Variants in SPIDR observed in about 807,000 individuals in gnomAD.
The protein encoded by SPIDR is DNA repair-scaffolding protein.
In SPIDR, 93 loss-of-function variants were observed where a neutral mutation model predicts 104.6. That is an observed-to-expected ratio of 0.89 (90% CI 0.75 to 1.06). SPIDR has a LOEUF of 1.06. SPIDR is among the 50% of genes least tolerant of loss of function. The pLI is 0.00. For missense variants in SPIDR, 1,154 were observed against 1,111.2 expected (o/e 1.04, Z -0.55); for synonymous variants, 431 against 416.9 (o/e 1.03, Z -0.41).
At chr8:47,579,878 G>T (rs965825112) in intron 8 of SPIDR, among the ~76,000 whole-genome samples, 3 of 152,184 alleles carry the variant, frequency 2.0e-5, no homozygotes, top group Non-Finnish European at 2.9e-5. Context: ...TATCCAAGTA[G>T]GGAGTCCTGT....
At chr8:47,381,761 A>T (rs1341330567) in intron 5 of SPIDR, among the ~76,000 whole-genome samples, 1 of 152,254 alleles carries the variant, frequency 6.6e-6, no homozygotes, top group Admixed American at 6.5e-5. Context: ...CACCAGGCGC[A>T]CAAGGTGTCC....
chr8:47,287,616 A>G (rs375608247), intron 3 of SPIDR, among the ~76,000 whole-genome samples: 45 of 152,292 alleles, frequency 3.0e-4, no homozygotes, highest in African/African-American at 1.1e-3. Flanking sequence ...AGAATTTAGC[A>G]ATATCTTCCC....
At chr8:47,473,379 CT>C (rs1422191772) in intron 8 of SPIDR, among the ~76,000 whole-genome samples, 1 of 152,132 alleles carries the variant, frequency 6.6e-6, no homozygotes, top group Non-Finnish European at 1.5e-5. Context: ...TGGCCTTTGA[CT>C]TGGCTTGTTC....
At chr8:47,727,887 G>A (rs1352707676) in intron 17 of SPIDR, among the ~76,000 whole-genome samples, 2 of 152,130 alleles carry the variant, frequency 1.3e-5, no homozygotes, top group African/African-American at 4.8e-5. Context: ...GGGAGGCCAA[G>A]GCAGGCGGAT....
At chr8:47,373,874 A>G (rs2058345916) in intron 5 of SPIDR, among the ~76,000 whole-genome samples, 1 of 152,250 alleles carries the variant, frequency 6.6e-6, no homozygotes, top group African/African-American at 2.4e-5. Context: ...CAGGCCTAGG[A>G]GAAATAAGTT....
chr8:47,282,139 G>A (rs1010632827), intron 2 of SPIDR, among the ~76,000 whole-genome samples: 94 of 152,350 alleles, frequency 6.2e-4, no homozygotes, highest in Middle Eastern at 3.4e-3. Flanking sequence ...GCTGTAAAGA[G>A]ATGTGCTGTC....
rs1456885273 is a variant in SPIDR, at chr8:47,284,024, A to G, written c.190-4A>G. The G allele has an allele frequency of 3.1e-6, 5 of 1,603,656 alleles. No individual in the cohort carries two copies. The highest frequency in any genetic ancestry group is 2.7e-5 in the African/African-American group (2 of 74,584). On this transcript the variant is annotated splice_region_variant and splice_polypyrimidine_tract_variant and intron_variant, in intron 2 of 19. Transcript: ENST00000297423. Reference sequence around the variant, plus strand: ...AAATTCCATGATTATTATTTTGCCTACAGTCATTAACAGCTGAAGAGAAGA... The same window carrying G: ...AAATTCCATGATTATTATTTTGCCTGCAGTCATTAACAGCTGAAGAGAAGA...
chr8:47,343,868 C>CG (rs1389624464), intron 5 of SPIDR, among the ~76,000 whole-genome samples: 6 of 151,734 alleles, frequency 4.0e-5, no homozygotes, highest in African/African-American at 9.7e-5. Context: ...AATTGTCCTT[C>CG]GGGGGGGAAA....
intron 11 of SPIDR, among the ~76,000 whole-genome samples, chr8:47,695,691 T>G (rs555252298): frequency 6.6e-6 from 1 of 152,356 alleles, no homozygotes; most frequent in East Asian, 1.9e-4. Flanking sequence ...CATGTTTACT[T>G]TCTTCCAGTG....
At chr8:47,632,658 A>G (rs1467889120) in intron 10 of SPIDR, among the ~76,000 whole-genome samples, 2 of 152,200 alleles carry the variant, frequency 1.3e-5, no homozygotes, top group Non-Finnish European at 2.9e-5. Flanking sequence ...TTGACTTTAC[A>G]TACTCAGGGG....
intron 5 of SPIDR, among the ~76,000 whole-genome samples, chr8:47,295,057 T>C (rs1287849105): frequency 6.6e-6 from 1 of 152,218 alleles, no homozygotes; most frequent in Non-Finnish European, 1.5e-5. Context: ...TAATAACTTT[T>C]TAAAAATTCT....
intron 5 of SPIDR, among the ~76,000 whole-genome samples, chr8:47,320,838 G>A (rs1279001529): frequency 6.6e-6 from 1 of 152,060 alleles, no homozygotes; most frequent in African/African-American, 2.4e-5. Context: ...CAGAACCAAC[G>A]AGTAAAACCA....
At chr8:47,286,436 G>C (rs2038865445) in intron 3 of SPIDR, among the ~76,000 whole-genome samples, 1 of 152,148 alleles carries the variant, frequency 6.6e-6, no homozygotes, top group Non-Finnish European at 1.5e-5. Flanking sequence ...AAGTCTGATA[G>C]GGTGGCATAC....
chr8:47,619,854 C>G (rs1458995396), intron 10 of SPIDR, among the ~76,000 whole-genome samples: 2 of 152,092 alleles, frequency 1.3e-5, no homozygotes, highest in African/African-American at 2.4e-5. Context: ...ATTTTAGCCA[C>G]CTGCTCAGCA....
Position 47,583,494 on chromosome 8 carries a change from G to A in SPIDR, c.1098-12317G>A, listed in dbSNP as rs567184271. On this transcript the variant is annotated intron_variant, in intron 8 of 19. Coordinates refer to ENST00000297423, the MANE Select transcript of SPIDR (RefSeq NM_001080394.4). ...CTCAATCTATACATGCTATATCAACGTGCTTTTTGTTTGTCATATAACATT... is the reference window on the plus strand; with the variant it reads ...CTCAATCTATACATGCTATATCAACATGCTTTTTGTTTGTCATATAACATT... Among the ~76,000 whole-genome samples the A allele has an allele frequency of 3.9e-5, 6 of 152,186 alleles. No homozygotes were observed. The South Asian group carries it at 6.2e-4, about 16-fold the overall frequency.
rs577631346 is a variant in SPIDR, at chr8:47,405,005, A to T, written c.777-2856A>T. On this transcript the variant is annotated intron_variant, in intron 6 of 19. Transcript: ENST00000297423. ...TAAGAAAATATGGCACATATACTCC[A>T]TGGAGTGCTATGCAGCTGTAAGAAA... Among the ~76,000 whole-genome samples the T allele has an allele frequency of 4.4e-4, 67 of 152,280 alleles. 1 individual carries two copies. The highest frequency in any genetic ancestry group is 4.2e-3 in the Admixed American group (64 of 15,288).
At chr8:47,343,254 T>C (rs1330331669) in intron 5 of SPIDR, among the ~76,000 whole-genome samples, 1 of 152,172 alleles carries the variant, frequency 6.6e-6, no homozygotes, top group Non-Finnish European at 1.5e-5. Context: ...ATCTGTACCA[T>C]TTTTGACATC....
chr8:47,579,502 T>C (rs1260169435), intron 8 of SPIDR, among the ~76,000 whole-genome samples: 1 of 152,242 alleles, frequency 6.6e-6, no homozygotes, highest in African/African-American at 2.4e-5. Flanking sequence ...TTTAAAATTA[T>C]TTTATTTCAT....
intron 8 of SPIDR, chr8:47,592,628 G>A (rs746693439): frequency 6.5e-5 from 73 of 1,115,528 alleles, no homozygotes; most frequent in Middle Eastern, 2.0e-4. Flanking sequence ...ACCCGAGTTC[G>A]GCCTCTGGTC....
Sources: allele counts gnomAD v4.1 joint callset (sites outside exome capture counted in the v4.1 genomes callset), GRCh38; gene constraint gnomAD v4.1.1; transcripts MANE v1.5; gene names NCBI Gene and HGNC (gene_info 2026-07-23, HGNC 2026-07-21).